PPP6R3: variants seen among roughly 807,000 people sequenced by gnomAD.
PPP6R3 encodes the protein serine/threonine-protein phosphatase 6 regulatory subunit 3.
PPP6R3 carries 38 observed loss-of-function variants against 110.7 expected under a neutral mutation model. The ratio of observed to expected loss-of-function variants is 0.34; its 90% confidence interval spans 0.26 to 0.45. PPP6R3 has a LOEUF of 0.45. Ranked by LOEUF, PPP6R3 falls within the 20% of genes least tolerant of loss-of-function variation. PPP6R3 has a pLI of 1.00. For synonymous variants in PPP6R3, 369 were observed against 373.5 expected (o/e 0.99, Z 0.14); for missense variants, 870 against 1,062.4 (o/e 0.82, Z 2.52).
At chr11:68,543,964 A>T (rs911772449) in intron 3 of PPP6R3, among the ~76,000 whole-genome samples, 2 of 152,172 alleles carry the variant, frequency 1.3e-5, no homozygotes, top group Non-Finnish European at 2.9e-5. Flanking sequence ...GTGTGGGTCC[A>T]TATAGAGCAG....
chr11:68,515,378 A>G (rs2099131013), intron 1 of PPP6R3, among the ~76,000 whole-genome samples: 1 of 152,280 alleles, frequency 6.6e-6, no homozygotes, highest in African/African-American at 2.4e-5. Context: ...CAGACACAGC[A>G]CAGTACCACA....
At chr11:68,477,745 T>TATATATATATATATATATATAG (rs2098845548) in intron 1 of PPP6R3, among the ~76,000 whole-genome samples, 5 of 101,130 alleles carry the variant, frequency 4.9e-5, no homozygotes, top group Non-Finnish European at 1.0e-4. Context: ...AAAAAAAATA[T>TATATATATATATATATATATAG]ATATATATAT....
intron 1 of PPP6R3, among the ~76,000 whole-genome samples, chr11:68,507,780 G>A (rs1292635152): frequency 2.0e-5 from 3 of 152,158 alleles, no homozygotes; most frequent in African/African-American, 4.8e-5. Flanking sequence ...CCACCTGTCT[G>A]TCTAATGGAG....
chr11:68,559,984 C>A lies in PPP6R3; in HGVS notation c.845+1305C>A, dbSNP rs567781269. Among the ~76,000 whole-genome samples the A allele has an allele frequency of 3.5e-5, 5 of 141,924 alleles. No individual in the cohort carries two copies. The South Asian group carries it at 9.0e-4, about 25-fold the overall frequency. 93.1% of individuals were successfully genotyped at this position (141,924 alleles called of 152,430 possible). On this transcript the variant is annotated intron_variant, in intron 8 of 23. Transcript: ENST00000393800. ...CACCCCAGCGGTACGGTGCCCTCTT[C>A]CCACCCCAGCAGTACAGTACCCTCT...
chr11:68,508,054 T>G (rs201453057), intron 1 of PPP6R3, among the ~76,000 whole-genome samples: 3 of 150,078 alleles, frequency 2.0e-5, no homozygotes, highest in African/African-American at 7.4e-5. Flanking sequence ...AAAAAAAAAA[T>G]TTATATGAGA....
intron 23 of PPP6R3, among the ~76,000 whole-genome samples, chr11:68,611,943 G>C (rs1433461357): frequency 6.6e-6 from 1 of 152,212 alleles, no homozygotes. Context: ...ATTGCCACAT[G>C]ATCTCACTTT....
intron 1 of PPP6R3, among the ~76,000 whole-genome samples, chr11:68,511,158 C>T (rs893975555): frequency 2.0e-5 from 3 of 151,344 alleles, no homozygotes; most frequent in African/African-American, 7.3e-5. Flanking sequence ...ACCTCTGCCT[C>T]CCGGGTTCAA....
At chr11:68,554,622 G>T (rs192556189) in intron 7 of PPP6R3, among the ~76,000 whole-genome samples, 4 of 152,282 alleles carry the variant, frequency 2.6e-5, no homozygotes, top group African/African-American at 7.2e-5. Context: ...AGCAGCTTTT[G>T]TCAGATGATG....
intron 1 of PPP6R3, among the ~76,000 whole-genome samples, chr11:68,496,853 C>CTTTTTTTTT (rs1157617908): frequency 3.3e-5 from 2 of 61,274 alleles, no homozygotes; most frequent in East Asian, 5.3e-4. Flanking sequence ...ATATTCTTGT[C>CTTTTTTTTT]TTTTTTTTTT....
chr11:68,607,875 G>T (rs942081452), intron 22 of PPP6R3, among the ~76,000 whole-genome samples: 1 of 151,946 alleles, frequency 6.6e-6, no homozygotes, highest in African/African-American at 2.4e-5. Flanking sequence ...CTGAGCTCCA[G>T]CAGTCCTCCC....
chr11:68,515,542 A>G (rs1310004309), intron 1 of PPP6R3, among the ~76,000 whole-genome samples: 3 of 152,234 alleles, frequency 2.0e-5, no homozygotes, highest in Non-Finnish European at 2.9e-5. Flanking sequence ...CCAGAATTCT[A>G]ATGTTCACAA....
intron 2 of PPP6R3, among the ~76,000 whole-genome samples, chr11:68,531,399 A>G (rs536920054): frequency 1.1e-3 from 167 of 151,804 alleles, no homozygotes; most frequent in African/African-American, 3.6e-3. Context: ...TTGCAGTGGT[A>G]TGATCATAGC....
chr11:68,499,635 C>T (rs2099037571), intron 1 of PPP6R3, among the ~76,000 whole-genome samples: 1 of 152,126 alleles, frequency 6.6e-6, no homozygotes. Context: ...GTGGTGCGAT[C>T]ATAGCTCACT....
intron 22 of PPP6R3, among the ~76,000 whole-genome samples, chr11:68,605,323 G>A (rs538512900): frequency 2.6e-5 from 4 of 152,226 alleles, no homozygotes; most frequent in South Asian, 2.1e-4. Context: ...AAACAAAAGC[G>A]AAAACAAAAC....
intron 15 of PPP6R3, among the ~76,000 whole-genome samples, chr11:68,585,790 A>T (rs1181985072): frequency 6.6e-6 from 1 of 152,316 alleles, no homozygotes; most frequent in South Asian, 2.1e-4. Context: ...ATCTCTCCAG[A>T]TGGATGAATA....
chr11:68,597,511 TGGTAGAGACA>T (rs1355060161), intron 19 of PPP6R3, among the ~76,000 whole-genome samples: 1 of 152,094 alleles, frequency 6.6e-6, no homozygotes, highest in Non-Finnish European at 1.5e-5. Context: ...AGAAAACGCA[TGGTAGAGACA>T]GGAGAACCAT....
intron 2 of PPP6R3, among the ~76,000 whole-genome samples, chr11:68,520,812 C>T (rs1191519398): frequency 6.6e-6 from 1 of 152,114 alleles, no homozygotes; most frequent in Non-Finnish European, 1.5e-5. Context: ...TGCTCTGTTG[C>T]CCAGGCCAGA....
intron 15 of PPP6R3, 60 bp from the exon 16 acceptor site, chr11:68,587,867 A>G: frequency 7.3e-7 from 1 of 1,360,892 alleles, no homozygotes; most frequent in Non-Finnish European, 1.1e-6. Context: ...AAATGGGCAA[A>G]TAGTATGTAG....
chr11:68,510,480 G>A (rs1052544778), intron 1 of PPP6R3, among the ~76,000 whole-genome samples: 5 of 152,028 alleles, frequency 3.3e-5, no homozygotes, highest in South Asian at 2.1e-4. Flanking sequence ...GACCACAGGC[G>A]TGTGCTACCA....
Sources: allele counts gnomAD v4.1 joint callset (sites outside exome capture counted in the v4.1 genomes callset), GRCh38; gene constraint gnomAD v4.1.1; transcripts MANE v1.5; gene names NCBI Gene and HGNC (gene_info 2026-07-23, HGNC 2026-07-21).